The following HTR2A variants were observed in gnomAD, a reference collection of about 807,000 sequenced individuals.
HTR2A encodes the protein 5-hydroxytryptamine receptor 2A.
In HTR2A, 14 loss-of-function variants were observed where a neutral mutation model predicts 31.0. The ratio of observed to expected loss-of-function variants is 0.45; its 90% CI spans 0.30 to 0.71. The LOEUF (loss-of-function observed/expected upper bound fraction) is 0.71. Among genes scored for constraint, HTR2A ranks in the 30% least tolerant of loss-of-function variants. The pLI is 0.09. For synonymous variants in HTR2A, 209 were observed against 225.2 expected (o/e 0.93, Z 0.64); for missense variants, 442 against 573.3 (o/e 0.77, Z 2.34).
chr13:46,896,477 A>G (rs1329257746), intron 1 of HTR2A, among the ~76,000 whole-genome samples, 197 bp downstream of exon 1: 1 of 152,234 alleles, frequency 6.6e-6, no homozygotes, highest in African/African-American at 2.4e-5. Flanking sequence ...CTGAATTGCC[A>G]CAGCTGCTGT....
At chr13:46,856,435 AG>A (rs1016092982) in intron 3 of HTR2A, 1 of 152,192 alleles carries the variant, frequency 6.6e-6, no homozygotes, top group African/African-American at 2.4e-5. Flanking sequence ...AAAATGCAGC[AG>A]GGTTTTGAAG....
At chr13:46,890,574 T>A (rs1172513367) in intron 3 of HTR2A, among the ~76,000 whole-genome samples, 1 of 152,190 alleles carries the variant, frequency 6.6e-6, no homozygotes, top group East Asian at 1.9e-4. Flanking sequence ...TTTAAGGGGC[T>A]TTGTATACTA....
chr13:46,848,955 A>G (rs1261357985), intron 3 of HTR2A, among the ~76,000 whole-genome samples: 1 of 152,226 alleles, frequency 6.6e-6, no homozygotes. Flanking sequence ...TGAAAATAAC[A>G]AAACCTCCAC....
At chr13:46,845,355 C>T (rs532323966) in intron 3 of HTR2A, among the ~76,000 whole-genome samples, 2 of 152,104 alleles carry the variant, frequency 1.3e-5, no homozygotes, top group Non-Finnish European at 2.9e-5. Context: ...GATCTCTCCA[C>T]CCTGGGCCCA....
At chr13:46,897,072 A>C, upstream of HTR2A, 2 of 495,150 alleles carry the variant, frequency 4.0e-6, no homozygotes, top group Non-Finnish European at 7.1e-6. Context: ...CGTTCATTTC[A>C]TCAGACCTCC....
At chr13:46,873,699 T>A (rs1950883590) in intron 3 of HTR2A, among the ~76,000 whole-genome samples, 1 of 152,156 alleles carries the variant, frequency 6.6e-6, no homozygotes, top group Non-Finnish European at 1.5e-5. Context: ...ATGCGGTGTT[T>A]GGTTTTTTGT....
intron 3 of HTR2A, among the ~76,000 whole-genome samples, chr13:46,881,597 T>G (rs1950963867): frequency 6.6e-6 from 1 of 152,246 alleles, no homozygotes; most frequent in Non-Finnish European, 1.5e-5. Context: ...TCCGTTTGTA[T>G]TCTGGTAGAT....
At chr13:46,890,126 C>T (rs1032047113) in intron 3 of HTR2A, among the ~76,000 whole-genome samples, 57 of 152,288 alleles carry the variant, frequency 3.7e-4, no homozygotes, top group Admixed American at 3.3e-3. Context: ...GGGGGATCAC[C>T]TGAGGTCGGG....
At chr13:46,849,036 ATT>A (rs1410109507) in intron 3 of HTR2A, among the ~76,000 whole-genome samples, 2 of 152,196 alleles carry the variant, frequency 1.3e-5, no homozygotes, top group East Asian at 3.9e-4. Flanking sequence ...TGGCCTCTCA[ATT>A]TGGATGTCTC....
intron 3 of HTR2A, among the ~76,000 whole-genome samples, chr13:46,882,166 G>A (rs746008023): frequency 1.7e-4 from 26 of 151,586 alleles, no homozygotes; most frequent in Non-Finnish European, 3.7e-4. Context: ...AAGTATAGTA[G>A]TTTTTGGGAA....
intron 3 of HTR2A, among the ~76,000 whole-genome samples, chr13:46,873,360 T>C (rs1950879049): frequency 1.3e-5 from 2 of 151,052 alleles, no homozygotes; most frequent in African/African-American, 4.8e-5. Context: ...AAATTTCTTT[T>C]TTTAATTGTG....
rs1213510951 is a variant in HTR2A, at chr13:46,876,385, C to CATAT, written c.613+16001_613+16004dup. ...TTTGCTGTGTGCTTGTATTTTGATT[C>CATAT]ATATATATATATATATATATTTTTT... On this transcript the variant is annotated intron_variant, in intron 3 of 3. Transcript: ENST00000542664. Among the ~76,000 whole-genome samples the CATAT allele has an allele frequency of 2.8e-3, 263 of 94,238 alleles. 1 individual carries two copies. The highest frequency in any genetic ancestry group is 5.2e-3 in the South Asian group (12 of 2,314). The allele number at this position is 94,238 out of a possible 152,430, so 61.8% of individuals were successfully genotyped here.
upstream of HTR2A, among the ~76,000 whole-genome samples, chr13:46,898,024 G>A (rs1403650376): frequency 6.6e-6 from 1 of 152,006 alleles, no homozygotes; most frequent in African/African-American, 2.4e-5. Flanking sequence ...CTTCATTCTC[G>A]CTGCCAGATC....
At chr13:46,873,693 G>A (rs894097505) in intron 3 of HTR2A, among the ~76,000 whole-genome samples, 3 of 151,878 alleles carry the variant, frequency 2.0e-5, no homozygotes, top group Admixed American at 6.6e-5. Context: ...GAGAATATGC[G>A]GTGTTTGGTT....
At chr13:46,835,990 A>G (rs1045095566) in intron 3 of HTR2A, among the ~76,000 whole-genome samples, 1 of 152,040 alleles carries the variant, frequency 6.6e-6, no homozygotes, top group African/African-American at 2.4e-5. Flanking sequence ...GTCACCATCT[A>G]GAGATAGCCA....
chr13:46,874,723 C>G (rs1178953968), intron 3 of HTR2A, among the ~76,000 whole-genome samples: 11 of 152,220 alleles, frequency 7.2e-5, no homozygotes, highest in African/African-American at 2.2e-4. Flanking sequence ...GATGCCTGAA[C>G]AGAATGGTTG....
chr13:46,849,428 G>A (rs1055572070), intron 3 of HTR2A, among the ~76,000 whole-genome samples: 18 of 152,042 alleles, frequency 1.2e-4, no homozygotes, highest in Admixed American at 8.5e-4. Context: ...CAGAGACCCC[G>A]CACTGCACTG....
At chr13:46,851,219 A>C (rs1950682649) in intron 3 of HTR2A, among the ~76,000 whole-genome samples, 1 of 152,170 alleles carries the variant, frequency 6.6e-6, no homozygotes, top group Non-Finnish European at 1.5e-5. Context: ...TCATAGTTCT[A>C]TTTCTTCTGG....
chr13:46,864,275 G>A (rs1049865131), intron 3 of HTR2A, among the ~76,000 whole-genome samples: 10 of 152,028 alleles, frequency 6.6e-5, no homozygotes, highest in Non-Finnish European at 8.8e-5. Context: ...GAAGTTAGAC[G>A]ATCAGGAAAA....
Sources: allele counts gnomAD v4.1 joint callset (sites outside exome capture counted in the v4.1 genomes callset), GRCh38; gene constraint gnomAD v4.1.1; transcripts MANE v1.5; gene names NCBI Gene and HGNC (gene_info 2026-07-23, HGNC 2026-07-21).